The following ELL2 variants were observed in gnomAD, a reference collection of about 807,000 sequenced individuals.
ELL2 encodes RNA polymerase II elongation factor ELL2.
ELL2 carries 21 observed loss-of-function variants against 72.8 expected under a neutral mutation model. The observed-to-expected ratio is 0.29, with a 90% CI of 0.20 to 0.42. ELL2 has a LOEUF of 0.42. Among genes scored for constraint, ELL2 ranks in the 10% least tolerant of loss-of-function variants. The pLI, the probability that ELL2 is intolerant of heterozygous loss-of-function variation, is 1.00. For synonymous variants in ELL2, 266 were observed against 283.2 expected (o/e 0.94, Z 0.61); for missense variants, 568 against 772.8 (o/e 0.73, Z 3.14).
rs6862541 is a variant in ELL2 at position 95,953,775 on chromosome 5, T to G, written c.147+7800A>C. 2.6e-3 allele frequency among the ~76,000 whole-genome samples: 399 copies of G among 152,338 alleles called. 2 individuals carry two copies. Among genetic ancestry groups the G allele is most frequent in the African/African-American group, 9.1e-3 (378 of 41,576 alleles). On this transcript the variant is annotated intron_variant, in intron 1 of 11. Coordinates refer to ENST00000237853, the MANE Select transcript of ELL2 (RefSeq NM_012081.6). ...GGTAATGTGAGGTAATTGAAAGCAC[T>G]CCTTCAAGGACTTTAGGAATTACAC... is the stretch of plus-strand genomic sequence containing the variant.
At chr5:95,931,106 A>G (rs1750584042) in intron 2 of ELL2, among the ~76,000 whole-genome samples, 1 of 151,366 alleles carries the variant, frequency 6.6e-6, no homozygotes, top group East Asian at 1.9e-4. Context: ...GAAAAGAGAG[A>G]GCCCTAATGG....
chr5:95,923,987 C>T (rs1214687247), intron 2 of ELL2, among the ~76,000 whole-genome samples: 1 of 152,112 alleles, frequency 6.6e-6, no homozygotes, highest in Non-Finnish European at 1.5e-5. Context: ...GACAGGAAAG[C>T]AGGAGACTTA....
At chr5:95,942,775 T>TA (rs1359143385) in intron 2 of ELL2, 13 of 288,300 alleles carry the variant, frequency 4.5e-5, no homozygotes, top group African/African-American at 2.2e-5. Context: ...ATGTTATGGA[T>TA]AAAAAAACAC....
intron 1 of ELL2, among the ~76,000 whole-genome samples, chr5:95,951,391 A>G (rs1185940950): frequency 6.9e-6 from 1 of 145,178 alleles, no homozygotes; most frequent in Non-Finnish European, 1.5e-5. Context: ...AAATAAATAA[A>G]TAAATAAATA....
chr5:95,924,070 A>G (rs1030953274), intron 2 of ELL2, among the ~76,000 whole-genome samples: 1 of 152,146 alleles, frequency 6.6e-6, no homozygotes, highest in African/African-American at 2.4e-5. Context: ...AAACTATGGC[A>G]ACTTCAGAGC....
chr5:95,958,901 TA>T (rs1751713815), intron 1 of ELL2, among the ~76,000 whole-genome samples: 1 of 140,368 alleles, frequency 7.1e-6, no homozygotes, highest in Admixed American at 6.9e-5. Flanking sequence ...TCTTAAAAAG[TA>T]ATTTTTTTTT....
chr5:95,909,963 G>C (rs925360385), intron 4 of ELL2, among the ~76,000 whole-genome samples: 2 of 152,016 alleles, frequency 1.3e-5, no homozygotes, highest in African/African-American at 2.4e-5. Context: ...ACAGACCCAA[G>C]GCTTTAAAAA....
In ELL2 at chr5:95,888,949, T is replaced by G. The variant is rs188188780; in HGVS notation, c.1845A>C (p.Glu615Asp). 4 of 1,609,396 alleles carry G rather than the reference T, an allele frequency of 2.5e-6. No individual in the cohort carries two copies. The highest frequency in any genetic ancestry group is 2.5e-6 in the Non-Finnish European group (3 of 1,179,120). The change falls in exon 12 of 12, where the codon GAA (glutamate) becomes GAC (aspartate). Residue 615 changes from glutamate to aspartate, a missense_variant. Around this residue, in one of 2 missense-constraint regions of ELL2, gnomAD observed 511 missense variants for 728.4 expected, o/e 0.70. Transcript: ENST00000237853. The stretch of plus-strand genomic sequence containing the variant: ...TGTGAGCCAGCTTGTTATGAAGATA[T>G]TCACATCTGTATTTTTCTTCATGGT... Reference protein sequence around the residue: ...PNYHEEKYRCEYLHNKLAHIK... With the variant: ...PNYHEEKYRCDYLHNKLAHIK...
chr5:95,892,876 T>G (rs1157401293), intron 9 of ELL2, among the ~76,000 whole-genome samples: 1 of 152,192 alleles, frequency 6.6e-6, no homozygotes, highest in East Asian at 1.9e-4. Flanking sequence ...GATGTAAAGC[T>G]GCCCTCCTGG....
chr5:95,947,450 CAAGAATAAT>C lies in ELL2; in HGVS notation c.148-4410_148-4402del, dbSNP rs145828202. The stretch of plus-strand genomic sequence containing the variant: ...CTACCTATACAGCTTGACTCCTCAA[CAAGAATAAT>C]TTTTATTTAGTTTTCTAATGTATGG... On this transcript the variant is annotated intron_variant, in intron 1 of 11. Transcript: ENST00000237853. Among the ~76,000 whole-genome samples the C allele has an allele frequency of 3.6e-3, 550 of 152,252 alleles. 2 individuals are homozygous for C. Among genetic ancestry groups the C allele is most frequent in the South Asian group, 7.9e-3 (38 of 4,828 alleles).
intron 2 of ELL2, among the ~76,000 whole-genome samples, chr5:95,936,455 T>C (rs1248143834): frequency 6.6e-6 from 1 of 152,136 alleles, no homozygotes; most frequent in Non-Finnish European, 1.5e-5. Flanking sequence ...ATTTTATAGA[T>C]AAGAAGCACT....
intron 1 of ELL2, among the ~76,000 whole-genome samples, chr5:95,946,716 T>A (rs190210625): frequency 3.6e-4 from 55 of 152,356 alleles, no homozygotes; most frequent in Admixed American, 1.5e-3. Context: ...AAGACTTTCC[T>A]CTCTAACTCT....
At chr5:95,950,892 ATG>A (rs1751347613) in intron 1 of ELL2, among the ~76,000 whole-genome samples, 4 of 97,310 alleles carry the variant, frequency 4.1e-5, no homozygotes, top group Non-Finnish European at 7.7e-5. Context: ...ATATATATGT[ATG>A]TATGTATGTG....
At chr5:95,948,128 TCTTGA>T in intron 1 of ELL2, among the ~76,000 whole-genome samples, 1 of 152,054 alleles carries the variant, frequency 6.6e-6, no homozygotes, top group African/African-American at 2.4e-5. Flanking sequence ...AGGCTGCAGC[TCTTGA>T]ATGTTTTTAA....
Position 95,895,160 on chromosome 5 carries a change from TATCTC to T in ELL2, c.1589+463_1589+467del, listed in dbSNP as rs1748818976. 4.6e-5 allele frequency among the ~76,000 whole-genome samples: 7 copies of T among 152,262 alleles called. No homozygotes were observed. The South Asian group carries it at 1.4e-3, about 31-fold the overall frequency. On this transcript the variant is annotated intron_variant, in intron 9 of 11. Transcript: ENST00000237853. ...AATTGAAATGATCAGATTTTACTCT[TATCTC>T]CTCTAAAAATTAATTTGAGGGCAGA...
Position 95,887,620 on chromosome 5 carries a change from A to T in ELL2, c.*1251T>A, listed in dbSNP as rs780529729. On this transcript the variant is annotated 3_prime_UTR_variant, in exon 12 of 12. Transcript: ENST00000237853. Reference sequence around the variant, plus strand: ...GATAAAACAAGTGACAGTTTAAATCAATGTCAACAGATAAACTCCATGAAA... The same window carrying T: ...GATAAAACAAGTGACAGTTTAAATCTATGTCAACAGATAAACTCCATGAAA... The T allele has an allele frequency of 1.3e-5, 2 of 152,672 alleles. No individual in the cohort carries two copies. The highest frequency in any genetic ancestry group is 2.9e-5 in the Non-Finnish European group (2 of 68,036). The allele number at this position is 152,672 out of a possible 1,614,324, so 9.5% of individuals were successfully genotyped here.
chr5:95,952,211 A>AG (rs906402773), intron 1 of ELL2, among the ~76,000 whole-genome samples: 1 of 152,206 alleles, frequency 6.6e-6, no homozygotes, highest in Non-Finnish European at 1.5e-5. Flanking sequence ...GAACAAAAAA[A>AG]CAAATACTGT....
chr5:95,902,932 C>T (rs528826562), intron 5 of ELL2, among the ~76,000 whole-genome samples: 2 of 146,226 alleles, frequency 1.4e-5, no homozygotes, highest in African/African-American at 2.8e-5. Flanking sequence ...CAGGTGGACA[C>T]CACTATGCCC....
Position 95,904,902 on chromosome 5 carries a change from C to T in ELL2, c.741+1621G>A, listed in dbSNP as rs75658573. On this transcript the variant is annotated intron_variant, in intron 5 of 11. Transcript: ENST00000237853. ...TTGGGAGGATAAATGAGATCGTGCACGTGAAATGCCTAGCACTGTGCCTGG... is the reference window on the plus strand; with the variant it reads ...TTGGGAGGATAAATGAGATCGTGCATGTGAAATGCCTAGCACTGTGCCTGG... Among the ~76,000 whole-genome samples, 200 of 152,164 alleles carry T rather than the reference C, an allele frequency of 1.3e-3. 1 individual carries two copies. The East Asian group carries it at 0.027, about 20-fold the overall frequency.
Sources: allele counts gnomAD v4.1 joint callset (sites outside exome capture counted in the v4.1 genomes callset), GRCh38; gene constraint gnomAD v4.1.1; regional missense constraint gnomAD v4.1.1; transcripts MANE v1.5; gene names NCBI Gene and HGNC (gene_info 2026-07-23, HGNC 2026-07-21).